The following PNKD variants were observed in gnomAD, a reference collection of about 807,000 sequenced individuals.
PNKD encodes the protein PNKD metallo-beta-lactamase domain containing.
Under a neutral mutation model 45.3 loss-of-function variants are expected in PNKD, and 36 were observed. The ratio of observed to expected loss-of-function variants is 0.80; its 90% CI spans 0.61 to 1.05. The LOEUF is 1.05. Among genes scored for constraint, PNKD ranks in the 50% least tolerant of loss-of-function variants. The probability of loss-of-function intolerance (pLI) is 0.00; values close to 1 mark genes in which losing one functional copy is unlikely to be tolerated. For missense variants in PNKD, 511 were observed against 506.6 expected, an observed-to-expected ratio of 1.01 and a Z score of -0.08; for synonymous variants, 197 against 210.1, an observed-to-expected ratio of 0.94 and a Z score of 0.54.
At chr2:218,300,680 G>T (rs1288056784) in intron 2 of PNKD, among the ~76,000 whole-genome samples, 1 of 151,902 alleles carries the variant, frequency 6.6e-6, no homozygotes, top group African/African-American at 2.4e-5. Flanking sequence ...CAGGTAGCTG[G>T]GATTACAGGC....
chr2:218,332,569 C>T (rs1259770883), intron 2 of PNKD, among the ~76,000 whole-genome samples: 1 of 152,114 alleles, frequency 6.6e-6, no homozygotes, highest in Non-Finnish European at 1.5e-5. Flanking sequence ...TCAGCCCTGC[C>T]TTCTCCTGCT....
intron 2 of PNKD, chr2:218,275,622 C>T: frequency 6.2e-7 from 1 of 1,609,170 alleles, no homozygotes; most frequent in African/African-American, 1.3e-5. Context: ...AAGCCAGGAA[C>T]TGCAAGGATA....
intron 2 of PNKD, chr2:218,272,732 C>G (rs1690899067): frequency 6.2e-7 from 1 of 1,614,202 alleles, no homozygotes; most frequent in Non-Finnish European, 8.5e-7. Flanking sequence ...GTGCCCCGTC[C>G]CCTGATGTTG....
rs539653809 is a variant in PNKD, at chr2:218,277,648, G to A, written c.236+6099G>A. Reference sequence around the variant, plus strand: ...CTGAATGTACCTGGAAATGGTGCCCGTCATGAAGCCCATGGCAAAAGTCTA... The same window carrying A: ...CTGAATGTACCTGGAAATGGTGCCCATCATGAAGCCCATGGCAAAAGTCTA... On this transcript the variant is annotated intron_variant, in intron 2 of 9. Transcript: ENST00000273077. 21 of 1,614,154 alleles carry A rather than the reference G, an allele frequency of 1.3e-5. No homozygotes were observed. Among genetic ancestry groups the A allele is most frequent in the Middle Eastern group, 1.6e-4 (1 of 6,062 alleles).
intron 1 of PNKD, chr2:218,270,882 G>C (rs761726007): frequency 5.1e-6 from 2 of 391,104 alleles, no homozygotes; most frequent in Non-Finnish European, 9.1e-6. Flanking sequence ...GCAGTGCAGA[G>C]GAAAGAGCCC....
intron 2 of PNKD, among the ~76,000 whole-genome samples, chr2:218,305,097 G>C (rs1559517269): frequency 6.6e-6 from 1 of 152,020 alleles, no homozygotes; most frequent in Non-Finnish European, 1.5e-5. Flanking sequence ...AAATAAAGTG[G>C]GGCGACCATC....
At chr2:218,280,356 G>T (rs889596747) in intron 2 of PNKD, 2 of 478,190 alleles carry the variant, frequency 4.2e-6, no homozygotes, top group Admixed American at 7.0e-5. Context: ...TCTGTGGAGG[G>T]CTCCTGTGTG....
intron 2 of PNKD, among the ~76,000 whole-genome samples, chr2:218,272,217 G>A (rs146737069): frequency 2.7e-4 from 41 of 152,256 alleles, no homozygotes; most frequent in African/African-American, 9.9e-4. Context: ...GAGGGAAAGC[G>A]TCAGGGCTGC....
chr2:218,271,486 C>T lies in PNKD; in HGVS notation c.173C>T (p.Pro58Leu), dbSNP rs376689739. The change falls in exon 2 of 10, where the codon CCG (proline) becomes CTG (leucine). Residue 58 changes from proline to leucine, a missense_variant. Transcript: ENST00000273077. ...EGKEEPEPLSPELEYIPRKRG... is the reference protein window; with the variant it reads ...EGKEEPEPLSLELEYIPRKRG... ...AAGGAGGAACCTGAACCCCTATCCCCGGAGCTGGAATACATTCCCAGAAAG... is the reference window on the plus strand; with the variant it reads ...AAGGAGGAACCTGAACCCCTATCCCTGGAGCTGGAATACATTCCCAGAAAG... 19 of 1,614,082 alleles carry T rather than the reference C, an allele frequency of 1.2e-5. No homozygotes were observed. Among genetic ancestry groups the T allele is most frequent in the Non-Finnish European group, 1.4e-5 (17 of 1,180,028 alleles).
At chr2:218,325,574 G>A (rs1465022466) in intron 2 of PNKD, among the ~76,000 whole-genome samples, 1 of 152,090 alleles carries the variant, frequency 6.6e-6, no homozygotes, top group Non-Finnish European at 1.5e-5. Flanking sequence ...AGCCTTATCT[G>A]GGGAAAGATT....
chr2:218,276,617 TA>T (rs1241265516), intron 2 of PNKD, among the ~76,000 whole-genome samples: 1 of 149,322 alleles, frequency 6.7e-6, no homozygotes, highest in Admixed American at 6.8e-5. Context: ...CTGAACAGAA[TA>T]AAGGAAATAA....
chr2:218,292,239 C>G (rs1006908897), intron 2 of PNKD, among the ~76,000 whole-genome samples: 1 of 152,240 alleles, frequency 6.6e-6, no homozygotes, highest in Non-Finnish European at 1.5e-5. Context: ...CCAAGGCTAA[C>G]CAGGTGCCAC....
At position 218,326,319 on chromosome 2, in the gene PNKD, T is replaced by C. The variant is rs1055232209; in HGVS notation, c.237-13464T>C. 6.6e-6 allele frequency among the ~76,000 whole-genome samples: 1 copy of C among 152,170 alleles called. No individual in the cohort carries two copies. The highest frequency in any genetic ancestry group is 1.5e-5 in the Non-Finnish European group (1 of 68,014). ...ACAATTGTCTTAGGATGAGGATAGC[T>C]GAGCACAGTGGCCACAGGTGAAACT... is the stretch of plus-strand genomic sequence containing the variant. On this transcript the variant is annotated intron_variant, in intron 2 of 9. Coordinates refer to ENST00000273077, the MANE Select transcript of PNKD (RefSeq NM_015488.5). This position sits in a 1 kb window ranked among gnomAD's most constrained non-coding sequence, Gnocchi z 4.1.
At chr2:218,310,659 T>G (rs1574685662) in intron 2 of PNKD, among the ~76,000 whole-genome samples, 1 of 134,936 alleles carries the variant, frequency 7.4e-6, no homozygotes, top group Non-Finnish European at 1.6e-5. Context: ...TGGCGCCATC[T>G]CGGCTCACTG....
intron 8 of PNKD, among the ~76,000 whole-genome samples, 165 bp from the exon 9 acceptor site, chr2:218,344,290 C>T (rs1479797325): frequency 6.6e-6 from 1 of 152,194 alleles, no homozygotes; most frequent in Non-Finnish European, 1.5e-5. Context: ...GACTTGTGCC[C>T]ACAGTTAGAG....
intron 2 of PNKD, among the ~76,000 whole-genome samples, chr2:218,306,070 G>T (rs1574680018): frequency 1.3e-5 from 2 of 152,234 alleles, no homozygotes; most frequent in South Asian, 4.1e-4. Flanking sequence ...TGCCTAAAAG[G>T]ATTTCTCCAG....
intron 2 of PNKD, chr2:218,277,360 C>T (rs778935452): frequency 1.3e-5 from 21 of 1,613,726 alleles, no homozygotes; most frequent in Non-Finnish European, 2.5e-6. Flanking sequence ...CCCTCCATGC[C>T]CTCACCTTGG....
intron 2 of PNKD, among the ~76,000 whole-genome samples, chr2:218,309,236 G>A (rs1422471396): frequency 1.3e-5 from 2 of 151,750 alleles, no homozygotes; most frequent in Admixed American, 6.6e-5. Context: ...TGGCCAACAT[G>A]ATGAAACCTG....
At chr2:218,315,827 G>C (rs1449110218) in intron 2 of PNKD, among the ~76,000 whole-genome samples, 1 of 152,218 alleles carries the variant, frequency 6.6e-6, no homozygotes, top group Non-Finnish European at 1.5e-5. Context: ...TTAATATTCT[G>C]TTTCCCTCTG....
Sources: allele counts gnomAD v4.1 joint callset (sites outside exome capture counted in the v4.1 genomes callset), GRCh38; gene constraint gnomAD v4.1.1; non-coding constraint Gnocchi (gnomAD v3.1); transcripts MANE v1.5; gene names NCBI Gene and HGNC (gene_info 2026-07-23, HGNC 2026-07-21).